CA10: variants seen among roughly 807,000 people sequenced by gnomAD.
CA10 encodes the protein carbonic anhydrase 10 (inactive).
Under a neutral mutation model 44.2 loss-of-function variants are expected in CA10, and 14 were observed. That is an observed-to-expected ratio of 0.32 (90% CI 0.21 to 0.50). The LOEUF is 0.50. Among genes scored for constraint, CA10 ranks in the 20% least tolerant of loss-of-function variants. CA10 has a pLI of 0.99. For synonymous variants in CA10, 159 were observed against 141.6 expected, an observed-to-expected ratio of 1.12 and a Z score of -0.87; for missense variants, 350 against 409.7, an observed-to-expected ratio of 0.85 and a Z score of 1.26.
intron 1 of CA10, among the ~76,000 whole-genome samples, chr17:52,088,058 T>C (rs1268659407): frequency 6.6e-6 from 1 of 152,064 alleles, no homozygotes; most frequent in African/African-American, 2.4e-5. Flanking sequence ...GGGAACAACA[T>C]GCACTGGGGC....
intron 2 of CA10, among the ~76,000 whole-genome samples, chr17:51,951,645 C>T (rs1371962841): frequency 6.6e-6 from 1 of 152,152 alleles, no homozygotes; most frequent in Non-Finnish European, 1.5e-5. Context: ...TTATGAATTG[C>T]TCTATGCCTA....
At chr17:52,123,398 C>T (rs1265720111) in intron 1 of CA10, among the ~76,000 whole-genome samples, 13 of 43,924 alleles carry the variant, frequency 3.0e-4, no homozygotes, top group African/African-American at 9.6e-4. Flanking sequence ...GTGTGTGTGA[C>T]GTTTTCATTT....
intron 4 of CA10, among the ~76,000 whole-genome samples, chr17:51,743,160 G>A (rs1405410667): frequency 6.6e-6 from 1 of 152,130 alleles, no homozygotes; most frequent in East Asian, 1.9e-4. Flanking sequence ...GTACCCTTCT[G>A]CCCCCTTGAA....
intron 1 of CA10, among the ~76,000 whole-genome samples, chr17:52,147,329 C>T (rs1989610112): frequency 6.6e-6 from 1 of 152,022 alleles, no homozygotes; most frequent in Non-Finnish European, 1.5e-5. Flanking sequence ...GAGCACTGAT[C>T]AAGAAAGAAC....
chr17:51,749,648 ATCT>A (rs1478246596), intron 3 of CA10, among the ~76,000 whole-genome samples: 3 of 152,250 alleles, frequency 2.0e-5, no homozygotes, highest in Admixed American at 6.5e-5. Context: ...TAAGTCAGTC[ATCT>A]TCTTTCTCCT....
chr17:51,854,235 A>T (rs892413934), intron 3 of CA10, among the ~76,000 whole-genome samples: 1 of 152,098 alleles, frequency 6.6e-6, no homozygotes, highest in Non-Finnish European at 1.5e-5. Context: ...ACTGAGGCCA[A>T]GTCAATAGGT....
chr17:51,954,334 A>G lies in CA10; in HGVS notation c.137-23202T>C, dbSNP rs925231321. ...CTTCCATTTTTATGCCTCCCTTGAA[A>G]TGCAAATTTAGCACAAGCCAACCAT... On this transcript the variant is annotated intron_variant, in intron 2 of 8. Transcript: ENST00000451037. Among the ~76,000 whole-genome samples, 7 of 152,174 alleles carry G rather than the reference A, an allele frequency of 4.6e-5. No individual in the cohort carries two copies. In the East Asian group the frequency reaches 1.3e-3, roughly 29 times the overall value.
At chr17:51,998,538 C>G (rs1462813717) in intron 2 of CA10, among the ~76,000 whole-genome samples, 1 of 151,986 alleles carries the variant, frequency 6.6e-6, no homozygotes, top group East Asian at 1.9e-4. Context: ...TCTCATTTTC[C>G]TTTTATTAAT....
intron 4 of CA10, among the ~76,000 whole-genome samples, chr17:51,712,568 G>A (rs1167314651): frequency 6.6e-6 from 1 of 152,160 alleles, no homozygotes; most frequent in African/African-American, 2.4e-5. Flanking sequence ...AGCAATACTA[G>A]AACTGTGCTG....
intron 3 of CA10, among the ~76,000 whole-genome samples, chr17:51,883,881 C>G (rs1396815626): frequency 6.6e-6 from 1 of 152,190 alleles, no homozygotes; most frequent in Non-Finnish European, 1.5e-5. Context: ...GGGGTCTCCA[C>G]TTGGATGTTT....
rs143998809 is a variant in CA10 at position 51,824,907 on chromosome 17, G to T, written c.280-77089C>A. ...TCACTTTACTAAGCAATGGCCATTT[G>T]CAGGCGTGGCCTTGGCAGCGGTGCT... On this transcript the variant is annotated intron_variant, in intron 3 of 8. Coordinates refer to ENST00000451037, the MANE Select transcript of CA10 (RefSeq NM_020178.5). Among the ~76,000 whole-genome samples, 357 of 152,354 alleles carry T rather than the reference G, an allele frequency of 2.3e-3. No homozygotes were observed. The Middle Eastern group carries it at 0.031, about 13-fold the overall frequency.
intron 1 of CA10, among the ~76,000 whole-genome samples, chr17:52,150,598 T>A (rs958277447): frequency 2.0e-5 from 3 of 152,164 alleles, no homozygotes; most frequent in Non-Finnish European, 4.4e-5. Context: ...TATCATTTAG[T>A]TAACCATGGG....
At chr17:51,998,581 C>T (rs1488227954) in intron 2 of CA10, among the ~76,000 whole-genome samples, 2 of 151,994 alleles carry the variant, frequency 1.3e-5, no homozygotes, top group Non-Finnish European at 2.9e-5. Context: ...TGGCAGTACC[C>T]CTTTTCACTG....
intron 4 of CA10, among the ~76,000 whole-genome samples, chr17:51,695,845 G>T (rs1567806883): frequency 6.6e-6 from 1 of 151,996 alleles, no homozygotes; most frequent in South Asian, 2.1e-4. Flanking sequence ...TTTCTTTGAT[G>T]TCTTGTTTCT....
At chr17:52,034,266 T>C (rs892340708) in intron 2 of CA10, among the ~76,000 whole-genome samples, 1 of 152,176 alleles carries the variant, frequency 6.6e-6, no homozygotes, top group Non-Finnish European at 1.5e-5. Context: ...GTTTATGGCA[T>C]AGATTGTGGT....
At chr17:51,731,573 C>T (rs1916720640) in intron 4 of CA10, among the ~76,000 whole-genome samples, 1 of 141,862 alleles carries the variant, frequency 7.0e-6, no homozygotes, top group Non-Finnish European at 1.5e-5. Context: ...TGTTAGACCA[C>T]ATACCTAAAG....
chr17:51,858,634 T>C (rs1247642250), intron 3 of CA10, among the ~76,000 whole-genome samples: 1 of 152,214 alleles, frequency 6.6e-6, no homozygotes, highest in Non-Finnish European at 1.5e-5. Context: ...CACCAACAAT[T>C]ACATTTTTAT....
At chr17:51,916,406 T>C (rs918411970) in intron 3 of CA10, among the ~76,000 whole-genome samples, 1 of 152,194 alleles carries the variant, frequency 6.6e-6, no homozygotes, top group African/African-American at 2.4e-5. Flanking sequence ...CCTGGAATTG[T>C]AGCTCCCACA....
At chr17:51,867,276 G>A (rs186927232) in intron 3 of CA10, among the ~76,000 whole-genome samples, 10 of 152,246 alleles carry the variant, frequency 6.6e-5, no homozygotes, top group African/African-American at 2.2e-4. Flanking sequence ...AAAGGAAAAA[G>A]CATGATTTTC....
Sources: gnomAD v4.1 joint callset for allele counts (sites outside exome capture counted in the v4.1 genomes callset) on GRCh38, gnomAD v4.1.1 for gene constraint, MANE v1.5 for transcripts, NCBI Gene and HGNC (gene_info 2026-07-23, HGNC 2026-07-21) for gene names.